TRIP4: variants seen among roughly 807,000 people sequenced by gnomAD.
The protein encoded by TRIP4 is activating signal cointegrator 1.
In TRIP4, 54 loss-of-function variants were observed where a neutral mutation model predicts 81.8. The observed-to-expected ratio is 0.66, with a 90% confidence interval of 0.53 to 0.83. TRIP4 has a LOEUF of 0.83. Ranked by LOEUF, TRIP4 falls within the 40% of genes least tolerant of loss-of-function variation. TRIP4 has a pLI of 0.00. For synonymous variants in TRIP4, 270 were observed against 242.8 expected (o/e 1.11, Z -1.04); for missense variants, 662 against 683.6 (o/e 0.97, Z 0.35).
intron 1 of TRIP4, among the ~76,000 whole-genome samples, chr15:64,390,500 G>T (rs1434160781): frequency 2.0e-5 from 3 of 151,618 alleles, no homozygotes; most frequent in Admixed American, 1.3e-4. Context: ...GGCTATTTTT[G>T]ATAAATTAAC....
At chr15:64,450,683 G>A (rs1291655507) in intron 12 of TRIP4, 1 of 455,948 alleles carries the variant, frequency 2.2e-6, no homozygotes, top group East Asian at 6.9e-5. Context: ...GAGGATGAAA[G>A]AACGTCTGAA....
intron 12 of TRIP4, among the ~76,000 whole-genome samples, chr15:64,451,147 C>G (rs1388774203): frequency 6.6e-6 from 1 of 151,976 alleles, no homozygotes; most frequent in East Asian, 1.9e-4. Context: ...GGGTCTTGCT[C>G]TGTTGCCCAG....
At chr15:64,430,127 A>G (rs903178990) in intron 11 of TRIP4, among the ~76,000 whole-genome samples, 2 of 152,228 alleles carry the variant, frequency 1.3e-5, no homozygotes, top group Admixed American at 6.5e-5. Flanking sequence ...AAATGGCTTT[A>G]AAAATATGTG....
chr15:64,398,561 C>T (rs2140284251), intron 4 of TRIP4, among the ~76,000 whole-genome samples: 1 of 151,682 alleles, frequency 6.6e-6, no homozygotes, highest in South Asian at 2.1e-4. Context: ...TGCAGTGAGA[C>T]AGCGAGTCCT....
chr15:64,400,909 C>T, intron 5 of TRIP4, 88 bp downstream of exon 5: 2 of 1,074,694 alleles, frequency 1.9e-6, no homozygotes, highest in African/African-American at 1.6e-5. Flanking sequence ...TCCTGGAGTG[C>T]AAGATGCAGT....
intron 11 of TRIP4, among the ~76,000 whole-genome samples, chr15:64,427,561 A>G (rs973840412): frequency 2.0e-5 from 3 of 152,044 alleles, no homozygotes; most frequent in African/African-American, 7.2e-5. Flanking sequence ...TTTTTAGTAG[A>G]GACAAGATTT....
chr15:64,440,728 G>A (rs576621910), intron 11 of TRIP4, among the ~76,000 whole-genome samples: 87 of 152,080 alleles, frequency 5.7e-4, no homozygotes, highest in African/African-American at 2.0e-3. Flanking sequence ...TGGGTCCAAG[G>A]AACCTATTGT....
intron 8 of TRIP4, 34 bp downstream of exon 8, chr15:64,414,245 A>C: frequency 6.2e-7 from 1 of 1,609,100 alleles, no homozygotes; most frequent in Non-Finnish European, 8.5e-7. Context: ...GTTAATAAGA[A>C]GTTTGGCCCC....
chr15:64,391,226 G>A (rs1341539107), intron 1 of TRIP4, among the ~76,000 whole-genome samples: 3 of 151,338 alleles, frequency 2.0e-5, no homozygotes, highest in African/African-American at 4.9e-5. Flanking sequence ...GCAGGATCTC[G>A]GCTCACTGCA....
Position 64,395,493 on chromosome 15 carries a change from A to C in TRIP4, c.367A>C (p.Thr123Pro), listed in dbSNP as rs199707100. Residue 123 changes from threonine (T) to proline (P), a missense_variant, in exon 3 of 13, where the codon ACG becomes CCG. By Grantham distance (38) the Thr-to-Pro change is conservative. Coordinates refer to ENST00000261884, the MANE Select transcript of TRIP4 (RefSeq NM_016213.5). ...QEVPAFTEPD[T>P]TAEVKTPFDL... Reference sequence around the variant, plus strand: ...AGTTCCTGCATTTACTGAACCTGACACGACTGCAGAGGTTAAAACACCTTT... The same window carrying C: ...AGTTCCTGCATTTACTGAACCTGACCCGACTGCAGAGGTTAAAACACCTTT... The C allele has an allele frequency of 7.2e-5, 116 of 1,613,850 alleles. No homozygotes were observed. Among genetic ancestry groups the C allele is most frequent in the East Asian group, 2.2e-4 (10 of 44,880 alleles).
intron 12 of TRIP4, chr15:64,450,877 C>A: frequency 6.8e-6 from 2 of 293,830 alleles, no homozygotes; most frequent in South Asian, 6.0e-5. Flanking sequence ...ACTGGAGTTT[C>A]CTGAAACGTA....
intron 11 of TRIP4, among the ~76,000 whole-genome samples, chr15:64,439,274 T>A (rs958329456): frequency 3.9e-5 from 6 of 152,152 alleles, no homozygotes; most frequent in African/African-American, 1.2e-4. Context: ...TATGCTTCCT[T>A]GGATCTGTTC....
rs776335776 is a variant in TRIP4 at position 64,448,506 on chromosome 15, C to T, written c.1678+3398C>T. Among the ~76,000 whole-genome samples, 7 of 152,200 alleles carry T rather than the reference C, an allele frequency of 4.6e-5. No homozygotes were observed. The Middle Eastern group carries it at 0.01, about 222-fold the overall frequency. ...TGAGATGGGGTCTCACTCTGTTATCCAGGTTGGAGTGCAGTGGCACAATCT... is the reference window on the plus strand; with the variant it reads ...TGAGATGGGGTCTCACTCTGTTATCTAGGTTGGAGTGCAGTGGCACAATCT... On this transcript the variant is annotated intron_variant, in intron 12 of 12. Coordinates refer to ENST00000261884, the MANE Select transcript of TRIP4 (RefSeq NM_016213.5).
chr15:64,438,128 C>T (rs531831273), intron 11 of TRIP4, among the ~76,000 whole-genome samples: 2 of 152,218 alleles, frequency 1.3e-5, no homozygotes, highest in South Asian at 4.1e-4. Context: ...ATGACCTTAC[C>T]TTGATATGTT....
intron 12 of TRIP4, among the ~76,000 whole-genome samples, chr15:64,445,693 T>G (rs1356836291): frequency 2.7e-5 from 4 of 146,962 alleles, no homozygotes; most frequent in Middle Eastern, 3.4e-3. Flanking sequence ...AAAAAAAAAT[T>G]TATTGTGTTC....
intron 11 of TRIP4, 84 bp downstream of exon 11, chr15:64,425,715 G>A: frequency 1.9e-6 from 2 of 1,075,918 alleles, no homozygotes; most frequent in Non-Finnish European, 2.7e-6. Flanking sequence ...TAAGAGGCTG[G>A]GCCTCTTAAA....
At chr15:64,441,578 C>G (rs1474999497) in intron 11 of TRIP4, among the ~76,000 whole-genome samples, 3 of 151,350 alleles carry the variant, frequency 2.0e-5, no homozygotes, top group Admixed American at 6.6e-5. Flanking sequence ...TTGAGACCAT[C>G]CTGGCTAACA....
At chr15:64,430,663 C>A (rs1892249172) in intron 11 of TRIP4, among the ~76,000 whole-genome samples, 2 of 152,134 alleles carry the variant, frequency 1.3e-5, no homozygotes, top group Admixed American at 1.3e-4. Context: ...TATATCCCTG[C>A]CTTCAATAGA....
rs765673940 is a variant in TRIP4, at chr15:64,394,031, T to C, written c.187T>C (p.Phe63Leu). 2.5e-6 allele frequency: 4 copies of C among 1,612,548 alleles called. No homozygotes were observed. The South Asian group carries it at 4.4e-5, about 18-fold the overall frequency. The change falls in exon 2 of 13, where the codon TTC (phenylalanine) becomes CTC (leucine). Residue 63 changes from phenylalanine to leucine, a missense_variant. Phe to Leu is a conservative substitution (Grantham distance 22). Transcript: ENST00000261884. ...GGGAAATGAAGGCAAAAAAGGTCAA[T>C]TCATAGAAGAACTTATAACCAAATG... Reference protein sequence around the residue: ...LQGNEGKKGQFIEELITKWQK... With the variant: ...LQGNEGKKGQLIEELITKWQK...
Sources: gnomAD v4.1 joint callset for allele counts (sites outside exome capture counted in the v4.1 genomes callset) on GRCh38, gnomAD v4.1.1 for gene constraint, MANE v1.5 for transcripts, NCBI Gene and HGNC (gene_info 2026-07-23, HGNC 2026-07-21) for gene names.